Variants in LDLRAD4 observed in about 807,000 individuals in gnomAD.
LDLRAD4 encodes the protein low density lipoprotein receptor class A domain containing 4.
A neutral mutation model predicts 17.0 loss-of-function variants in LDLRAD4; 5 were observed. The observed-to-expected ratio is 0.29, with a 90% CI of 0.15 to 0.62. The LOEUF is 0.62. Ranked by LOEUF, LDLRAD4 falls within the 20% of genes least tolerant of loss-of-function variation. LDLRAD4 has a pLI of 0.84. For missense variants in LDLRAD4, 340 were observed against 424.7 expected, an observed-to-expected ratio of 0.80 and a Z score of 1.75; for synonymous variants, 168 against 171.8, an observed-to-expected ratio of 0.98 and a Z score of 0.17.
At chr18:13,388,146 C>T (rs77940153) in intron 2 of LDLRAD4, among the ~76,000 whole-genome samples, 5,388 of 152,238 alleles carry the variant, frequency 0.035, 129 homozygotes, top group Middle Eastern at 0.082. Context: ...GATTAATTGC[C>T]GATGTGTGCT....
At chr18:13,611,496 A>T (rs1424553502) in intron 3 of LDLRAD4, 32 of 984,966 alleles carry the variant, frequency 3.2e-5, no homozygotes, top group Admixed American at 1.2e-4. Context: ...TGCACGGGAG[A>T]TGTTTTACAC....
intron 1 of LDLRAD4, among the ~76,000 whole-genome samples, chr18:13,347,558 G>C (rs575753733): frequency 6.6e-6 from 1 of 152,256 alleles, no homozygotes; most frequent in Non-Finnish European, 1.5e-5. Context: ...TCTTGGAGTT[G>C]CTCTTCTCGA....
At chr18:13,293,043 A>T (rs2046059114) in intron 1 of LDLRAD4, among the ~76,000 whole-genome samples, 1 of 152,228 alleles carries the variant, frequency 6.6e-6, no homozygotes, top group African/African-American at 2.4e-5. Context: ...GTGAACCTTC[A>T]CTGCTGACAT....
At chr18:13,270,225 T>G (rs2044452000) in intron 1 of LDLRAD4, among the ~76,000 whole-genome samples, 1 of 151,942 alleles carries the variant, frequency 6.6e-6, no homozygotes, top group South Asian at 2.1e-4. Flanking sequence ...TAGCTGGGCC[T>G]GGTGGCGTGC....
At chr18:13,513,646 T>G (rs1445711105) in intron 3 of LDLRAD4, among the ~76,000 whole-genome samples, 1 of 152,178 alleles carries the variant, frequency 6.6e-6, no homozygotes, top group Non-Finnish European at 1.5e-5. Context: ...TCAGAGCTTA[T>G]GCTGAATTTT....
Position 13,555,640 on chromosome 18 carries a change from G to T in LDLRAD4, c.182-65477G>T, listed in dbSNP as rs536867828. The stretch of plus-strand genomic sequence containing the variant: ...GGCATATAGCAGTTGCTACCCTAGG[G>T]TGCAAAGCAATGTGATCAGTTGGTT... On this transcript the variant is annotated intron_variant, in intron 3 of 5. Transcript: ENST00000359446. Among the ~76,000 whole-genome samples, 11 of 152,320 alleles carry T rather than the reference G, an allele frequency of 7.2e-5. No homozygotes were observed. The South Asian group carries it at 2.3e-3, about 32-fold the overall frequency.
chr18:13,557,501 C>T (rs1257175491), intron 3 of LDLRAD4, among the ~76,000 whole-genome samples: 1 of 152,058 alleles, frequency 6.6e-6, no homozygotes, highest in Non-Finnish European at 1.5e-5. Context: ...CCCAGGTTCA[C>T]GCCATTCTCC....
At chr18:13,463,465 C>T (rs1427189618) in intron 3 of LDLRAD4, among the ~76,000 whole-genome samples, 1 of 152,204 alleles carries the variant, frequency 6.6e-6, no homozygotes, top group East Asian at 1.9e-4. Flanking sequence ...ACTATAGCTC[C>T]ATTCTGTTAT....
At chr18:13,640,704 C>T (rs1173732697) in intron 4 of LDLRAD4, among the ~76,000 whole-genome samples, 1 of 152,136 alleles carries the variant, frequency 6.6e-6, no homozygotes, top group African/African-American at 2.4e-5. Flanking sequence ...GGTGGTGTGG[C>T]GGGGAGGAGA....
intron 2 of LDLRAD4, among the ~76,000 whole-genome samples, chr18:13,425,767 G>A (rs961082686): frequency 8.5e-5 from 13 of 152,314 alleles, no homozygotes; most frequent in Admixed American, 6.5e-4. Context: ...TCCCGAGGTC[G>A]AGGCTCTGAC....
At chr18:13,527,967 A>G (rs1365733371) in intron 3 of LDLRAD4, among the ~76,000 whole-genome samples, 2 of 151,974 alleles carry the variant, frequency 1.3e-5, no homozygotes, top group East Asian at 3.9e-4. Context: ...AGCTGCCTCC[A>G]TTTCTCTGTC....
intron 1 of LDLRAD4, among the ~76,000 whole-genome samples, chr18:13,349,866 G>C (rs918256686): frequency 6.6e-6 from 1 of 150,986 alleles, no homozygotes; most frequent in Non-Finnish European, 1.5e-5. Flanking sequence ...TCCCACTTAC[G>C]AGTGAGAACA....
intron 3 of LDLRAD4, among the ~76,000 whole-genome samples, chr18:13,536,957 A>G (rs753526253): frequency 1.3e-5 from 2 of 152,152 alleles, no homozygotes; most frequent in Non-Finnish European, 2.9e-5. Context: ...CCAACCTTAC[A>G]TGTTTGGGAT....
At chr18:13,240,056 T>C (rs2042551021) in intron 1 of LDLRAD4, 1 of 152,252 alleles carries the variant, frequency 6.6e-6, no homozygotes, top group African/African-American at 2.4e-5. Flanking sequence ...TACATATTTA[T>C]TTAGCTTTGC....
intron 1 of LDLRAD4, among the ~76,000 whole-genome samples, chr18:13,305,031 T>C (rs2046829008): frequency 6.6e-6 from 1 of 152,144 alleles, no homozygotes; most frequent in Non-Finnish European, 1.5e-5. Context: ...AATAAATATA[T>C]TGGAAATTTT....
chr18:13,331,111 A>G (rs1269090874), intron 1 of LDLRAD4, among the ~76,000 whole-genome samples: 1 of 152,244 alleles, frequency 6.6e-6, no homozygotes, highest in Non-Finnish European at 1.5e-5. Flanking sequence ...TGCTCTAGCT[A>G]GTTAAACCCA....
chr18:13,431,771 A>G (rs1209268565), intron 2 of LDLRAD4, among the ~76,000 whole-genome samples: 1 of 152,192 alleles, frequency 6.6e-6, no homozygotes, highest in African/African-American at 2.4e-5. Context: ...TTATCATGTC[A>G]TATTCATCTT....
intron 5 of LDLRAD4, among the ~76,000 whole-genome samples, chr18:13,643,744 A>G (rs1024402467): frequency 1.3e-5 from 2 of 152,256 alleles, no homozygotes; most frequent in African/African-American, 4.8e-5. Flanking sequence ...CCACATCTCC[A>G]AGTGTAATAA....
intron 3 of LDLRAD4, among the ~76,000 whole-genome samples, chr18:13,504,909 C>T (rs1440060035): frequency 6.6e-6 from 1 of 152,136 alleles, no homozygotes; most frequent in Admixed American, 6.5e-5. Flanking sequence ...AGAAGCTTCA[C>T]CTTCCCACTA....
Sources: allele counts gnomAD v4.1 joint callset (sites outside exome capture counted in the v4.1 genomes callset), GRCh38; gene constraint gnomAD v4.1.1; transcripts MANE v1.5; gene names NCBI Gene and HGNC (gene_info 2026-07-23, HGNC 2026-07-21).